CHRM3: variants seen among roughly 807,000 people sequenced by gnomAD.
CHRM3 encodes the protein muscarinic acetylcholine receptor M3.
A neutral mutation model predicts 41.8 loss-of-function variants in CHRM3; 11 were observed. The observed-to-expected ratio is 0.26, with a 90% CI of 0.17 to 0.44. The LOEUF (loss-of-function observed/expected upper bound fraction) is 0.44, where lower values mean the gene tolerates loss of function less well. CHRM3 is among the 20% of genes least tolerant of loss of function. CHRM3 has a pLI of 1.00. For synonymous variants in CHRM3, 297 were observed against 301.4 expected (o/e 0.99, Z 0.15); for missense variants, 571 against 745.4 (o/e 0.77, Z 2.72).
chr1:239,753,606 C>T (rs888265786), intron 5 of CHRM3, among the ~76,000 whole-genome samples: 3 of 152,230 alleles, frequency 2.0e-5, no homozygotes, highest in East Asian at 1.9e-4. Flanking sequence ...CCACCAGGTC[C>T]CTTCCCCAAC....
intron 1 of CHRM3, among the ~76,000 whole-genome samples, chr1:239,444,207 C>G (rs1663953500): frequency 6.6e-6 from 1 of 152,106 alleles, no homozygotes; most frequent in South Asian, 2.1e-4. Flanking sequence ...TTAGTCTGCA[C>G]CAGACAAAAT....
rs1329900702 is a variant in CHRM3, at chr1:239,686,644, C to A, written c.-147+8356C>A. On this transcript the variant is annotated intron_variant, in intron 5 of 6. Transcript: ENST00000676153. Reference sequence around the variant, plus strand: ...CTGTGAGTTCCTTGAGGACTGGAATCCTCACCATATTCATCATAGTACTTT... The same window carrying A: ...CTGTGAGTTCCTTGAGGACTGGAATACTCACCATATTCATCATAGTACTTT... 2.0e-5 allele frequency among the ~76,000 whole-genome samples: 3 copies of A among 152,316 alleles called. No individual in the cohort carries two copies. The South Asian group carries it at 6.2e-4, about 32-fold the overall frequency.
intron 3 of CHRM3, among the ~76,000 whole-genome samples, chr1:239,582,617 C>T (rs912398957): frequency 1.3e-5 from 2 of 152,142 alleles, no homozygotes; most frequent in Non-Finnish European, 2.9e-5. Flanking sequence ...ATCTCCAACA[C>T]AACACGTCCC....
At chr1:239,623,155 G>C (rs1382617094) in intron 3 of CHRM3, among the ~76,000 whole-genome samples, 1 of 151,920 alleles carries the variant, frequency 6.6e-6, no homozygotes, top group East Asian at 1.9e-4. Flanking sequence ...GGGTACATGT[G>C]CACAACGTGC....
chr1:239,460,314 T>C (rs954567251), intron 1 of CHRM3, among the ~76,000 whole-genome samples: 1 of 152,012 alleles, frequency 6.6e-6, no homozygotes, highest in Non-Finnish European at 1.5e-5. Flanking sequence ...CTATTTTTTT[T>C]CCCCCATCAT....
chr1:239,671,797 A>G (rs1218720112), intron 4 of CHRM3, among the ~76,000 whole-genome samples: 1 of 151,904 alleles, frequency 6.6e-6, no homozygotes, highest in Admixed American at 6.6e-5. Flanking sequence ...TTTTTAGTTT[A>G]TCAAGGGCCA....
chr1:239,541,890 C>A (rs1341512263), intron 2 of CHRM3, among the ~76,000 whole-genome samples: 1 of 152,208 alleles, frequency 6.6e-6, no homozygotes, highest in Non-Finnish European at 1.5e-5. Context: ...TCATTTCTTT[C>A]TCTCAACAAA....
At chr1:239,501,342 A>G (rs567729000) in intron 2 of CHRM3, among the ~76,000 whole-genome samples, 1 of 152,332 alleles carries the variant, frequency 6.6e-6, no homozygotes, top group Non-Finnish European at 1.5e-5. Flanking sequence ...TCAACAGCAC[A>G]TGGAACTTTC....
At chr1:239,446,535 G>A (rs964470143) in intron 1 of CHRM3, among the ~76,000 whole-genome samples, 1 of 152,128 alleles carries the variant, frequency 6.6e-6, no homozygotes, top group Non-Finnish European at 1.5e-5. Flanking sequence ...ACTTAGAAAT[G>A]CAAATTAAAT....
chr1:239,726,133 C>G (rs1446415066), intron 5 of CHRM3, among the ~76,000 whole-genome samples: 1 of 151,946 alleles, frequency 6.6e-6, no homozygotes, highest in African/African-American at 2.4e-5. Flanking sequence ...TCCAACAATG[C>G]CTTTGGAACC....
At chr1:239,724,512 G>A (rs1663257965) in intron 5 of CHRM3, among the ~76,000 whole-genome samples, 1 of 151,938 alleles carries the variant, frequency 6.6e-6, no homozygotes, top group Non-Finnish European at 1.5e-5. Context: ...TCCCTTAGGT[G>A]TAAAATGCAT....
chr1:239,401,251 C>G (rs897568604), intron 1 of CHRM3, among the ~76,000 whole-genome samples: 4 of 152,086 alleles, frequency 2.6e-5, no homozygotes, highest in Non-Finnish European at 4.4e-5. Context: ...AGCCTGTGGC[C>G]ATTCTCCAGC....
chr1:239,400,188 C>A (rs772372814), intron 1 of CHRM3, among the ~76,000 whole-genome samples: 1 of 152,176 alleles, frequency 6.6e-6, no homozygotes, highest in Non-Finnish European at 1.5e-5. Context: ...GGATTACAGG[C>A]GTGAGCCATG....
At chr1:239,408,410 G>A (rs143844574) in intron 1 of CHRM3, among the ~76,000 whole-genome samples, 1 of 151,766 alleles carries the variant, frequency 6.6e-6, no homozygotes, top group African/African-American at 2.4e-5. Context: ...TTTAGTCCCA[G>A]CTGCTGGGAA....
chr1:239,695,172 A>C (rs1660071267), intron 5 of CHRM3, among the ~76,000 whole-genome samples: 1 of 151,900 alleles, frequency 6.6e-6, no homozygotes, highest in Non-Finnish European at 1.5e-5. Flanking sequence ...CACCACACCC[A>C]GCTAAGTTTT....
At chr1:239,758,636 A>G (rs1666435161) in intron 5 of CHRM3, among the ~76,000 whole-genome samples, 1 of 152,232 alleles carries the variant, frequency 6.6e-6, no homozygotes, top group African/African-American at 2.4e-5. Context: ...AGTTTTAAAA[A>G]AATTGGCTTG....
chr1:239,558,396 G>T (rs940718744), intron 3 of CHRM3, among the ~76,000 whole-genome samples: 7 of 152,098 alleles, frequency 4.6e-5, no homozygotes, highest in African/African-American at 1.7e-4. Flanking sequence ...TGGATAGATT[G>T]CAAAAAGTCC....
chr1:239,745,247 G>A (rs901438147), intron 5 of CHRM3, among the ~76,000 whole-genome samples: 4 of 152,096 alleles, frequency 2.6e-5, no homozygotes, highest in Admixed American at 2.0e-4. Flanking sequence ...TGGCAGCATC[G>A]TGAAGGTTAA....
At chr1:239,568,338 TAGTG>T (rs1051080460) in intron 3 of CHRM3, among the ~76,000 whole-genome samples, 2 of 152,240 alleles carry the variant, frequency 1.3e-5, no homozygotes, top group African/African-American at 4.8e-5. Flanking sequence ...ATTCTTGTCT[TAGTG>T]AGTAAGTTTC....
Sources: allele counts gnomAD v4.1 joint callset (sites outside exome capture counted in the v4.1 genomes callset), GRCh38; gene constraint gnomAD v4.1.1; transcripts MANE v1.5; gene names NCBI Gene and HGNC (gene_info 2026-07-23, HGNC 2026-07-21).